The following GATAD2B variants were observed in gnomAD, a reference collection of about 807,000 sequenced individuals.
The protein encoded by GATAD2B is GATA zinc finger domain containing 2B, also known as transcriptional repressor p66-beta.
Under a neutral mutation model 64.3 loss-of-function variants are expected in GATAD2B, and 8 were observed. The observed-to-expected ratio is 0.12, with a 90% CI of 0.07 to 0.22. GATAD2B has a LOEUF of 0.22. GATAD2B is among the 10% of genes least tolerant of loss of function. The pLI is 1.00. For missense variants in GATAD2B, 453 were observed against 752.0 expected (o/e 0.60, Z 4.65); for synonymous variants, 281 against 271.3 (o/e 1.04, Z -0.35).
chr1:153,829,076 ATGCCTGTAG>A (rs1674988195), intron 1 of GATAD2B, among the ~76,000 whole-genome samples: 1 of 151,706 alleles, frequency 6.6e-6, no homozygotes, highest in Non-Finnish European at 1.5e-5. Flanking sequence ...ATGGTGGCAC[ATGCCTGTAG>A]TCCCAGCTAC....
intron 1 of GATAD2B, among the ~76,000 whole-genome samples, chr1:153,834,023 G>A (rs1045647012): frequency 6.6e-6 from 1 of 150,596 alleles, no homozygotes; most frequent in Non-Finnish European, 1.5e-5. Context: ...TTGTTTTTGA[G>A]ACAGAGTCTC....
chr1:153,893,515 G>A (rs1380934939), intron 1 of GATAD2B, among the ~76,000 whole-genome samples: 2 of 151,980 alleles, frequency 1.3e-5, no homozygotes, highest in African/African-American at 4.8e-5. Context: ...AGGCTGAAGT[G>A]GGAGGATTGC....
intron 1 of GATAD2B, among the ~76,000 whole-genome samples, chr1:153,918,142 G>T (rs544784693): frequency 6.6e-6 from 1 of 152,146 alleles, no homozygotes; most frequent in South Asian, 2.1e-4. Context: ...GATGACAGCC[G>T]ATCAAAAATG....
At chr1:153,874,720 G>A (rs1393956970) in intron 1 of GATAD2B, among the ~76,000 whole-genome samples, 4 of 151,768 alleles carry the variant, frequency 2.6e-5, no homozygotes, top group Non-Finnish European at 5.9e-5. Flanking sequence ...GGGACTACAG[G>A]TGCATGCCAT....
Position 153,812,129 on chromosome 1 carries a change from T to C in GATAD2B, c.1423A>G (p.Ile475Val). 6.3e-7 allele frequency: 1 copy of C among 1,592,970 alleles called. No homozygotes were observed. Among genetic ancestry groups the C allele is most frequent in the Non-Finnish European group, 8.6e-7 (1 of 1,161,322 alleles). ...GCCTGCTGCTGTAATCGCTGTTCAATTTCCTGTTGGGAGTCATCACATCAG... is the reference window on the plus strand; with the variant it reads ...GCCTGCTGCTGTAATCGCTGTTCAACTTCCTGTTGGGAGTCATCACATCAG... ...FVKALQQEQE[I>V]EQRLQQQAAL... Residue 475 changes from isoleucine to valine, a missense_variant, in exon 9 of 11, where the codon ATT (isoleucine) becomes GTT (valine). Physicochemically the swap from Ile to Val is conservative, Grantham distance 29 (BLOSUM62 3). This residue lies in a region of GATAD2B where 160 missense variants were observed against 334.7 expected (regional missense o/e 0.48). Coordinates refer to ENST00000368655, the MANE Select transcript of GATAD2B (RefSeq NM_020699.4).
chr1:153,818,460 G>A (rs1033098961), intron 4 of GATAD2B, among the ~76,000 whole-genome samples: 3 of 151,610 alleles, frequency 2.0e-5, no homozygotes, highest in Non-Finnish European at 4.4e-5. Context: ...GACTACAGGC[G>A]CCCGCCACCA....
At chr1:153,863,178 C>T (rs1180137288) in intron 1 of GATAD2B, among the ~76,000 whole-genome samples, 2 of 152,202 alleles carry the variant, frequency 1.3e-5, no homozygotes, top group Non-Finnish European at 2.9e-5. Flanking sequence ...TCCAAACTTT[C>T]ACAAAGAAAA....
At chr1:153,898,306 C>CAAAAAAAAAAAAAAAA (rs11373311) in intron 1 of GATAD2B, among the ~76,000 whole-genome samples, 6 of 80,532 alleles carry the variant, frequency 7.5e-5, no homozygotes, top group Admixed American at 1.3e-4. Context: ...CAGCCTGTCT[C>CAAAAAAAAAAAAAAAA]AAAAAAAAAA....
intron 1 of GATAD2B, among the ~76,000 whole-genome samples, chr1:153,871,090 A>G (rs1290876220): frequency 6.9e-6 from 1 of 144,874 alleles, no homozygotes; most frequent in East Asian, 2.0e-4. Flanking sequence ...TTTTTTTGAG[A>G]CAGTCTCGCT....
intron 1 of GATAD2B, among the ~76,000 whole-genome samples, chr1:153,876,921 C>T (rs549375922): frequency 3.9e-5 from 6 of 152,116 alleles, no homozygotes; most frequent in South Asian, 2.1e-4. Flanking sequence ...GAGAATCACT[C>T]GAACCTGGTG....
chr1:153,867,583 C>T (rs1359205598), intron 1 of GATAD2B, among the ~76,000 whole-genome samples: 2 of 151,966 alleles, frequency 1.3e-5, no homozygotes, highest in African/African-American at 2.4e-5. Context: ...AGGCCAGGCG[C>T]GGTGGCTCAC....
At chr1:153,852,249 A>G in intron 1 of GATAD2B, 2 of 1,223,214 alleles carry the variant, frequency 1.6e-6, no homozygotes, top group Non-Finnish European at 2.4e-6. Flanking sequence ...GAAATCCATC[A>G]AGTCATCTAA....
chr1:153,903,854 C>T (rs1199684244), intron 1 of GATAD2B, among the ~76,000 whole-genome samples: 1 of 152,136 alleles, frequency 6.6e-6, no homozygotes, highest in Non-Finnish European at 1.5e-5. Flanking sequence ...TATGGTGGCA[C>T]GCACATGTGG....
intron 1 of GATAD2B, among the ~76,000 whole-genome samples, chr1:153,848,603 TC>T (rs1309862102): frequency 6.6e-6 from 1 of 152,186 alleles, no homozygotes; most frequent in Non-Finnish European, 1.5e-5. Context: ...TTCCTAGCTG[TC>T]ATTCTCCTCC....
At chr1:153,864,186 C>G (rs1447555952) in intron 1 of GATAD2B, among the ~76,000 whole-genome samples, 1 of 152,074 alleles carries the variant, frequency 6.6e-6, no homozygotes, top group East Asian at 1.9e-4. Context: ...ATTCATCACA[C>G]AAGTCTGAGG....
intron 1 of GATAD2B, among the ~76,000 whole-genome samples, chr1:153,847,440 A>G (rs1184343472): frequency 1.3e-5 from 2 of 152,152 alleles, no homozygotes; most frequent in Non-Finnish European, 2.9e-5. Context: ...CCTGAAGCGC[A>G]CTGGTAAAAT....
At chr1:153,885,043 C>G (rs1677136770) in intron 1 of GATAD2B, among the ~76,000 whole-genome samples, 1 of 152,090 alleles carries the variant, frequency 6.6e-6, no homozygotes, top group Admixed American at 6.6e-5. Flanking sequence ...AGGTGTGAGC[C>G]AATGTGCCCG....
intron 1 of GATAD2B, among the ~76,000 whole-genome samples, chr1:153,874,601 G>C (rs868350773): frequency 1.3e-5 from 2 of 151,904 alleles, no homozygotes; most frequent in Non-Finnish European, 2.9e-5. Flanking sequence ...TTTTGAGACG[G>C]AGTTTCCCTC....
intron 2 of GATAD2B, among the ~76,000 whole-genome samples, chr1:153,825,835 T>G (rs1241514709): frequency 6.6e-6 from 1 of 152,188 alleles, no homozygotes; most frequent in Non-Finnish European, 1.5e-5. Context: ...AAGTAACATG[T>G]GTAAAGTTAT....
Sources: gnomAD v4.1 joint callset for allele counts (sites outside exome capture counted in the v4.1 genomes callset) on GRCh38, gnomAD v4.1.1 for gene constraint, gnomAD v4.1.1 regional missense constraint, MANE v1.5 for transcripts, NCBI Gene and HGNC (gene_info 2026-07-23, HGNC 2026-07-21) for gene names.